The following CSMD3 variants were observed in gnomAD, a reference collection of about 807,000 sequenced individuals.
CSMD3 encodes the protein CUB and Sushi multiple domains 3, also known as CUB and sushi domain-containing protein 3.
A neutral mutation model predicts 435.2 loss-of-function variants in CSMD3; 177 were observed. The observed-to-expected ratio is 0.41, with a 90% CI of 0.36 to 0.46. The LOEUF (loss-of-function observed/expected upper bound fraction) is 0.46. Among genes scored for constraint, CSMD3 ranks in the 20% least tolerant of loss-of-function variants. The pLI is 0.34. For synonymous variants in CSMD3, 1,656 were observed against 1,520.5 expected (o/e 1.09, Z -2.07); for missense variants, 4,265 against 4,504.6 (o/e 0.95, Z 1.52).
At chr8:113,374,174 A>G (rs1008661530) in intron 1 of CSMD3, among the ~76,000 whole-genome samples, 4 of 152,194 alleles carry the variant, frequency 2.6e-5, no homozygotes, top group Middle Eastern at 3.4e-3. Context: ...AATCATATAT[A>G]TACACACTTT....
intron 3 of CSMD3, among the ~76,000 whole-genome samples, chr8:113,244,808 T>A (rs2093259002): frequency 6.6e-6 from 1 of 152,122 alleles, no homozygotes; most frequent in East Asian, 1.9e-4. Context: ...ATATATGAAG[T>A]CTAATTTGCT....
intron 5 of CSMD3, among the ~76,000 whole-genome samples, chr8:113,097,552 A>G (rs2090202407): frequency 6.6e-6 from 1 of 151,964 alleles, no homozygotes; most frequent in African/African-American, 2.4e-5. Context: ...CTCTTTCTAT[A>G]TATCCAATTA....
At chr8:112,983,433 G>A (rs1416046056) in intron 6 of CSMD3, among the ~76,000 whole-genome samples, 1 of 151,046 alleles carries the variant, frequency 6.6e-6, no homozygotes, top group Admixed American at 6.7e-5. Context: ...AAGAAACTAC[G>A]CTTATCCCCC....
chr8:112,619,356 C>T (rs1387620449), intron 22 of CSMD3, among the ~76,000 whole-genome samples: 1 of 151,810 alleles, frequency 6.6e-6, no homozygotes, highest in African/African-American at 2.4e-5. Flanking sequence ...AGGATTTAAG[C>T]TCCAGGTTTA....
At chr8:113,414,925 C>T (rs1373153835) in intron 1 of CSMD3, among the ~76,000 whole-genome samples, 2 of 152,030 alleles carry the variant, frequency 1.3e-5, no homozygotes, top group Non-Finnish European at 2.9e-5. Flanking sequence ...GAGATTGTGC[C>T]ACTGCGCTCC....
chr8:113,413,238 A>C (rs2094567268), intron 1 of CSMD3, among the ~76,000 whole-genome samples: 1 of 152,114 alleles, frequency 6.6e-6, no homozygotes, highest in Admixed American at 6.6e-5. Flanking sequence ...TCTCTTTTAA[A>C]ATTAACATAA....
At chr8:112,540,245 C>T (rs758056213) in intron 27 of CSMD3, among the ~76,000 whole-genome samples, 14 of 151,768 alleles carry the variant, frequency 9.2e-5, no homozygotes, top group South Asian at 6.2e-4. Flanking sequence ...TATTATCTCA[C>T]GCCAGTTAAA....
intron 1 of CSMD3, among the ~76,000 whole-genome samples, chr8:113,431,991 C>A (rs577439315): frequency 6.6e-6 from 1 of 152,142 alleles, no homozygotes; most frequent in African/African-American, 2.4e-5. Context: ...GAAGCCTTTG[C>A]TCCTGGAGTA....
In CSMD3 at chr8:113,285,998, T is replaced by C. The variant is rs566159295; in HGVS notation, c.402-7294A>G. 2.6e-5 allele frequency among the ~76,000 whole-genome samples: 4 copies of C among 152,304 alleles called. No individual in the cohort carries two copies. In the South Asian group the frequency reaches 6.2e-4, roughly 24 times the overall value. On this transcript the variant is annotated intron_variant, in intron 2 of 70. Transcript: ENST00000297405. ...GCAATTTTTTCAGTACATTTTCTCATCTGACAGAATGGTGCAATGTATTAG... is the reference window on the plus strand; with the variant it reads ...GCAATTTTTTCAGTACATTTTCTCACCTGACAGAATGGTGCAATGTATTAG...
chr8:113,283,640 T>C (rs2093627130), intron 2 of CSMD3, among the ~76,000 whole-genome samples: 1 of 152,054 alleles, frequency 6.6e-6, no homozygotes, highest in African/African-American at 2.4e-5. Context: ...GGGAATGTAA[T>C]CTATTATAAC....
intron 4 of CSMD3, among the ~76,000 whole-genome samples, chr8:113,152,641 T>C (rs2091835265): frequency 6.6e-6 from 1 of 152,106 alleles, no homozygotes; most frequent in African/African-American, 2.4e-5. Context: ...ATGCATTTTT[T>C]TCTCTAGGTA....
chr8:113,280,890 T>C (rs1381742318), intron 2 of CSMD3, among the ~76,000 whole-genome samples: 1 of 151,980 alleles, frequency 6.6e-6, no homozygotes, highest in Non-Finnish European at 1.5e-5. Flanking sequence ...TTTGTAAATT[T>C]CCATCTTGAT....
intron 32 of CSMD3, among the ~76,000 whole-genome samples, chr8:112,423,544 G>C (rs1276074406): frequency 6.6e-6 from 1 of 151,984 alleles, no homozygotes; most frequent in Non-Finnish European, 1.5e-5. Flanking sequence ...TAACCTCCTG[G>C]GCTCAAGCAA....
intron 31 of CSMD3, among the ~76,000 whole-genome samples, chr8:112,472,961 G>A (rs927621752): frequency 2.0e-5 from 3 of 152,234 alleles, no homozygotes; most frequent in Admixed American, 6.5e-5. Context: ...GTGTTACCTA[G>A]AAATATAATG....
chr8:112,598,239 G>C (rs1351273691), intron 22 of CSMD3, among the ~76,000 whole-genome samples: 4 of 134,358 alleles, frequency 3.0e-5, no homozygotes, highest in African/African-American at 1.2e-4. Context: ...CAAACAGAGA[G>C]CCAAATCATG....
chr8:112,926,608 T>G (rs752254515), intron 9 of CSMD3, among the ~76,000 whole-genome samples: 25 of 152,158 alleles, frequency 1.6e-4, no homozygotes, highest in Non-Finnish European at 3.2e-4. Flanking sequence ...AAAAACACCC[T>G]ATAATATCAA....
chr8:112,377,980 A>G (rs1213952125), intron 38 of CSMD3, among the ~76,000 whole-genome samples: 1 of 152,148 alleles, frequency 6.6e-6, no homozygotes, highest in South Asian at 2.1e-4. Flanking sequence ...TCAAAATACT[A>G]CTGGAAGTCC....
chr8:112,636,281 A>G (rs1462484081), intron 22 of CSMD3, among the ~76,000 whole-genome samples: 1 of 152,096 alleles, frequency 6.6e-6, no homozygotes, highest in Non-Finnish European at 1.5e-5. Flanking sequence ...TATCTATCAA[A>G]TATTGAGCCA....
chr8:113,295,297 G>T (rs2093712424), intron 2 of CSMD3, among the ~76,000 whole-genome samples: 1 of 152,060 alleles, frequency 6.6e-6, no homozygotes, highest in Non-Finnish European at 1.5e-5. Flanking sequence ...TTTAGTGGAA[G>T]AACTATAATT....
Sources: allele counts gnomAD v4.1 joint callset (sites outside exome capture counted in the v4.1 genomes callset), GRCh38; gene constraint gnomAD v4.1.1; transcripts MANE v1.5; gene names NCBI Gene and HGNC (gene_info 2026-07-23, HGNC 2026-07-21).